RGS3: variants seen among roughly 807,000 people sequenced by gnomAD.
RGS3 encodes regulator of G-protein signalling 3.
A neutral mutation model predicts 132.6 loss-of-function variants in RGS3; 80 were observed. That is an observed-to-expected ratio of 0.60 (90% CI 0.50 to 0.73). The LOEUF is 0.73. Ranked by LOEUF, RGS3 falls within the 30% of genes least tolerant of loss-of-function variation. RGS3 has a pLI of 0.00. For synonymous variants in RGS3, 598 were observed against 620.6 expected, an observed-to-expected ratio of 0.96 and a Z score of 0.54; for missense variants, 1,382 against 1,530.8, an observed-to-expected ratio of 0.90 and a Z score of 1.62.
intron 3 of RGS3, among the ~76,000 whole-genome samples, chr9:113,472,875 C>A (rs1286331806): frequency 6.6e-6 from 1 of 151,928 alleles, no homozygotes; most frequent in African/African-American, 2.4e-5. Context: ...TCTGTCTCTA[C>A]AAAAAATACA....
rs745986575 is a variant in RGS3 at position 113,524,530 on chromosome 9, C to T, written c.1870+1489C>T. On this transcript the variant is annotated intron_variant, in intron 17 of 24. Coordinates refer to ENST00000350696, the Ensembl canonical transcript of RGS3. ...AGGGAGGGAAGAGAAGCAAGGCTCA[C>T]ACTGGCTACAATTTGGGTGGAGGTG... Among the ~76,000 whole-genome samples, 5 of 152,356 alleles carry T rather than the reference C, an allele frequency of 3.3e-5. 1 individual carries two copies. Among genetic ancestry groups the T allele is most frequent in the Non-Finnish European group, 5.9e-5 (4 of 68,032 alleles).
chr9:113,517,871 C>A (rs542938535), intron 16 of RGS3, among the ~76,000 whole-genome samples: 1 of 152,140 alleles, frequency 6.6e-6, no homozygotes, highest in Non-Finnish European at 1.5e-5. Flanking sequence ...CTAAAGACAC[C>A]CCATTGTTTA....
chr9:113,560,848 T>C (rs564312235), intron 19 of RGS3, among the ~76,000 whole-genome samples: 2 of 152,192 alleles, frequency 1.3e-5, no homozygotes, highest in East Asian at 3.9e-4. Context: ...CTGCAGTGAG[T>C]TGGGACAGTG....
At chr9:113,473,523 C>T (rs1382799231) in intron 3 of RGS3, among the ~76,000 whole-genome samples, 2 of 152,140 alleles carry the variant, frequency 1.3e-5, no homozygotes, top group African/African-American at 4.8e-5. Context: ...GCTGGGACTA[C>T]AGGTACACAC....
intron 19 of RGS3, among the ~76,000 whole-genome samples, chr9:113,550,707 CT>C (rs1353276058): frequency 2.0e-5 from 3 of 152,086 alleles, no homozygotes; most frequent in African/African-American, 4.8e-5. Flanking sequence ...TAAATAGGTT[CT>C]TTTTTTCGTT....
intron 15 of RGS3, among the ~76,000 whole-genome samples, chr9:113,516,638 C>G (rs564900094): frequency 6.6e-6 from 1 of 152,338 alleles, no homozygotes; most frequent in African/African-American, 2.4e-5. Flanking sequence ...GGATTACAGG[C>G]ATGAGCCACC....
intron 18 of RGS3, among the ~76,000 whole-genome samples, chr9:113,533,341 C>T (rs914639615): frequency 2.0e-5 from 3 of 152,006 alleles, no homozygotes; most frequent in Non-Finnish European, 4.4e-5. Flanking sequence ...AGCGATTCTC[C>T]TGCCCCAGCC....
upstream of RGS3, chr9:113,460,251 T>C (rs75520851): frequency 0.018 from 19,437 of 1,106,232 alleles, 678 homozygotes; most frequent in East Asian, 0.12. Flanking sequence ...CCAGGCGCAG[T>C]GGCTCATGCC....
upstream of RGS3, among the ~76,000 whole-genome samples, chr9:113,455,395 AG>A (rs1346387449): frequency 6.6e-6 from 1 of 152,200 alleles, no homozygotes; most frequent in Non-Finnish European, 1.5e-5. Context: ...GGCCAGGAAA[AG>A]CAGCTCTTGA....
chr9:113,530,521 A>T (rs987953975), intron 18 of RGS3, among the ~76,000 whole-genome samples: 5 of 152,232 alleles, frequency 3.3e-5, no homozygotes, highest in Non-Finnish European at 7.3e-5. Context: ...AGAGAGGAGA[A>T]GCCATGACCA....
chr9:113,456,125 C>T (rs1829357170), upstream of RGS3, among the ~76,000 whole-genome samples: 1 of 152,162 alleles, frequency 6.6e-6, no homozygotes, highest in Admixed American at 6.5e-5. Flanking sequence ...CTTTTCCTTC[C>T]CCTTTCAGGC....
rs1026867381 is a variant in RGS3, at chr9:113,565,462, C to T, written c.2038-17988C>T. ...ACGGGTGATGCAAGGGTTTTGAAAG[C>T]GCTACCTAGATGTGGGAGGTGGAAC... is the stretch of plus-strand genomic sequence containing the variant. On this transcript the variant is annotated intron_variant, in intron 19 of 24. Coordinates refer to ENST00000350696, the Ensembl canonical transcript of RGS3. The surrounding 1 kb of genome is among the most constrained non-coding windows in gnomAD (Gnocchi z 5.7). The T allele has an allele frequency of 1.5e-5, 16 of 1,094,042 alleles. No individual in the cohort carries two copies. The East Asian group carries it at 1.8e-4, about 12-fold the overall frequency. The allele number at this position is 1,094,042 out of a possible 1,614,324, so 67.8% of individuals were successfully genotyped here.
At chr9:113,446,105 A>T (rs1464405955) in intron 1 of RGS3, among the ~76,000 whole-genome samples, 3 of 152,200 alleles carry the variant, frequency 2.0e-5, no homozygotes, top group Non-Finnish European at 2.9e-5. Flanking sequence ...TAAATTAAGG[A>T]CAGTAATACC....
intron 4 of RGS3, among the ~76,000 whole-genome samples, chr9:113,482,201 C>T (rs1830186637): frequency 6.6e-6 from 1 of 152,126 alleles, no homozygotes; most frequent in African/African-American, 2.4e-5. Context: ...ACCACACCTG[C>T]ACCCACCCCA....
At chr9:113,563,170 A>T (rs1833862308) in intron 19 of RGS3, among the ~76,000 whole-genome samples, 1 of 152,126 alleles carries the variant, frequency 6.6e-6, no homozygotes. Context: ...CTCGTTCTGG[A>T]CTCAGCACAC....
chr9:113,583,396 G>C (rs1297968809), intron 19 of RGS3, 54 bp from the exon 18 acceptor site: 1 of 1,586,892 alleles, frequency 6.3e-7, no homozygotes, highest in South Asian at 1.1e-5. Context: ...CATGGTGTCT[G>C]GCATCTTGGA....
chr9:113,536,499 A>G, intron 18 of RGS3: 3 of 1,074,290 alleles, frequency 2.8e-6, no homozygotes, highest in Non-Finnish European at 3.4e-6. Flanking sequence ...CCTGGGGGTG[A>G]CCTCATCGGC....
intron 15 of RGS3, among the ~76,000 whole-genome samples, chr9:113,514,984 C>A (rs1240364369): frequency 2.0e-5 from 3 of 152,118 alleles, no homozygotes; most frequent in African/African-American, 7.2e-5. Context: ...CCAAAGCTCC[C>A]GCTCCCTGGC....
intron 5 of RGS3, among the ~76,000 whole-genome samples, chr9:113,483,581 T>C (rs1830232508): frequency 6.6e-6 from 1 of 152,150 alleles, no homozygotes; most frequent in Non-Finnish European, 1.5e-5. Context: ...CTACTTTCAG[T>C]GAGAGCCAAA....
Sources: gnomAD v4.1 joint callset for allele counts (sites outside exome capture counted in the v4.1 genomes callset) on GRCh38, gnomAD v4.1.1 for gene constraint, Gnocchi (gnomAD v3.1) non-coding constraint, MANE v1.5 for transcripts, NCBI Gene and HGNC (gene_info 2026-07-23, HGNC 2026-07-21) for gene names.